DPP6: variants seen among roughly 807,000 people sequenced by gnomAD.
The protein encoded by DPP6 is dipeptidyl peptidase like 6.
Under a neutral mutation model 122.6 loss-of-function variants are expected in DPP6, and 69 were observed. The observed-to-expected ratio is 0.56, with a 90% confidence interval of 0.46 to 0.69. DPP6 has a LOEUF of 0.69. Among genes scored for constraint, DPP6 ranks in the 30% least tolerant of loss-of-function variants. The probability of loss-of-function intolerance (pLI) is 0.00; values close to 1 mark genes in which losing one functional copy is unlikely to be tolerated. For missense variants in DPP6, 928 were observed against 1,116.9 expected, an observed-to-expected ratio of 0.83 and a Z score of 2.41; for synonymous variants, 418 against 433.1, an observed-to-expected ratio of 0.97 and a Z score of 0.43.
intron 7 of DPP6, among the ~76,000 whole-genome samples, chr7:154,711,731 C>T (rs979098594): frequency 5.3e-5 from 8 of 152,078 alleles, no homozygotes; most frequent in African/African-American, 1.9e-4. Context: ...ACATGTTTCC[C>T]TTTTGGCCTT....
In DPP6 at chr7:153,899,193, TCTCCTCCTC is replaced by T. The variant is rs796084342; in HGVS notation, c.51+11471_51+11479del. Among the ~76,000 whole-genome samples the T allele has an allele frequency of 1.1e-3, 170 of 151,196 alleles. 1 individual carries two copies. The highest frequency in any genetic ancestry group is 3.9e-3 in the African/African-American group (161 of 41,172). On this transcript the variant is annotated intron_variant, in intron 1 of 25. Transcript: ENST00000404039. ...TCTTCCTTCTCCTCTTCCTCTTCCTTCTCCTCCTCCTCCTCCTCCTTCTCCTCCTCCTCC... is the reference window on the plus strand; with the variant it reads ...TCTTCCTTCTCCTCTTCCTCTTCCTTCTCCTCCTCCTTCTCCTCCTCCTCC...
intron 1 of DPP6, among the ~76,000 whole-genome samples, chr7:154,350,216 G>A (rs565189505): frequency 3.9e-5 from 6 of 152,298 alleles, no homozygotes; most frequent in Admixed American, 3.3e-4. Flanking sequence ...TGGGATTTTA[G>A]GAAGGGGAGA....
At position 154,618,106 on chromosome 7, in the gene DPP6, C is replaced by T. The variant is rs565777575; in HGVS notation, c.628-19715C>T. On this transcript the variant is annotated intron_variant, in intron 5 of 25. Transcript: ENST00000377770. The surrounding 1 kb of genome is among the most constrained non-coding windows in gnomAD (Gnocchi z 4.1). ...TTTGCACTGTTGCTGGTTGCATTCT[C>T]GCTCTTTCCCCCATAAGGCTATTAA... 9.2e-5 allele frequency among the ~76,000 whole-genome samples: 14 copies of T among 152,294 alleles called. No individual in the cohort carries two copies. The South Asian group carries it at 1.7e-3, about 18-fold the overall frequency.
chr7:154,431,095 G>A (rs1818324704), intron 1 of DPP6, among the ~76,000 whole-genome samples: 1 of 152,196 alleles, frequency 6.6e-6, no homozygotes, highest in Admixed American at 6.5e-5. Flanking sequence ...CTCAAGGGAA[G>A]TGTTGGTGAA....
Position 154,821,663 on chromosome 7 carries a change from T to TATATATACAC in DPP6, c.1666+14552_1666+14553insTATATACACA, listed in dbSNP as rs1799788619. On this transcript the variant is annotated intron_variant, in intron 16 of 25. Coordinates refer to ENST00000377770, the MANE Select transcript of DPP6 (RefSeq NM_130797.4). The surrounding 1 kb of genome is among the most constrained non-coding windows in gnomAD (Gnocchi z 4.2). ...ATATATATACACATATATATATATA[T>TATATATACAC]ACACATATATATATACACACACATA... Among the ~76,000 whole-genome samples the TATATATACAC allele has an allele frequency of 1.1e-4, 12 of 110,664 alleles. No homozygotes were observed. Among genetic ancestry groups the TATATATACAC allele is most frequent in the Admixed American group, 6.1e-4 (7 of 11,388 alleles). 72.6% of individuals were successfully genotyped at this position (110,664 alleles called of 152,430 possible).
intron 1 of DPP6, among the ~76,000 whole-genome samples, chr7:154,305,982 C>T (rs1045413567): frequency 2.6e-5 from 4 of 152,102 alleles, no homozygotes; most frequent in Non-Finnish European, 5.9e-5. Flanking sequence ...GTATTCTGAC[C>T]CTCCAACAGG....
chr7:154,163,249 C>T (rs1431117524), intron 1 of DPP6, among the ~76,000 whole-genome samples: 1 of 151,958 alleles, frequency 6.6e-6, no homozygotes, highest in African/African-American at 2.4e-5. Flanking sequence ...AGAATTTATG[C>T]GTTGCTAGTG....
At chr7:153,752,043 T>C in the DPP6 span, among the ~76,000 whole-genome samples, 4 of 152,184 alleles carry the variant, frequency 2.6e-5, no homozygotes, top group African/African-American at 9.7e-5. Context: ...TTAACCTCCA[T>C]GCCTAAGTTT....
At chr7:153,976,897 C>A (rs1796333265) in intron 1 of DPP6, among the ~76,000 whole-genome samples, 1 of 152,208 alleles carries the variant, frequency 6.6e-6, no homozygotes, top group South Asian at 2.1e-4. Flanking sequence ...TCATGCTCCA[C>A]CAGGAGAGCT....
intron 1 of DPP6, among the ~76,000 whole-genome samples, chr7:154,295,525 G>A (rs4278085): frequency 0.5 from 75,421 of 151,974 alleles, 20,095 homozygotes; most frequent in African/African-American, 0.71. Flanking sequence ...GGCTTTCTCT[G>A]CCCTCACTTA....
rs6960904 is a variant in DPP6, at chr7:154,505,707, C to A, written c.457+30670C>A. On this transcript the variant is annotated intron_variant, in intron 3 of 25. Transcript: ENST00000377770. The stretch of plus-strand genomic sequence containing the variant: ...GGAGGAAGACTACAGAAGTAAAATG[C>A]CTTTCTCATCACATATCTAAGGAAC... 8.3e-3 allele frequency among the ~76,000 whole-genome samples: 1,263 copies of A among 152,194 alleles called. 21 individuals are homozygous for A. The highest frequency in any genetic ancestry group is 0.028 in the African/African-American group (1,175 of 41,504).
intron 7 of DPP6, among the ~76,000 whole-genome samples, chr7:154,726,993 C>T (rs769590050): frequency 7.9e-5 from 12 of 152,226 alleles, no homozygotes; most frequent in Admixed American, 2.0e-4. Context: ...TTTCCCTCAT[C>T]TCTCTGTCTT....
At chr7:153,998,036 G>A (rs1275293019) in intron 1 of DPP6, among the ~76,000 whole-genome samples, 4 of 151,408 alleles carry the variant, frequency 2.6e-5, no homozygotes, top group Non-Finnish European at 5.9e-5. Flanking sequence ...GAAGGTGACA[G>A]TGTCTTGTCT....
the DPP6 span, among the ~76,000 whole-genome samples, chr7:153,825,441 T>G: frequency 6.6e-6 from 1 of 152,198 alleles, no homozygotes; most frequent in South Asian, 2.1e-4. Flanking sequence ...ATTATTCATA[T>G]AGAATTGGTA....
rs71803736 is a variant in DPP6, at chr7:154,755,148, T to TAAAAAAA, written c.884-14259_884-14253dup. On this transcript the variant is annotated intron_variant, in intron 8 of 25. Coordinates refer to ENST00000377770, the MANE Select transcript of DPP6 (RefSeq NM_130797.4). The surrounding 1 kb of genome is among the most constrained non-coding windows in gnomAD (Gnocchi z 4.7). The stretch of plus-strand genomic sequence containing the variant: ...TCCCAGAACTTAAAGTAAAATAAAT[T>TAAAAAAA]AAAAAAAAAAAAAAAAGAAACTGAA... Among the ~76,000 whole-genome samples, 1 of 131,582 alleles carries TAAAAAAA rather than the reference T, an allele frequency of 7.6e-6. No homozygotes were observed. The highest frequency in any genetic ancestry group is 1.6e-5 in the Non-Finnish European group (1 of 60,952). The allele number at this position is 131,582 out of a possible 152,430, so 86.3% of individuals were successfully genotyped here.
intron 1 of DPP6, among the ~76,000 whole-genome samples, chr7:154,338,484 G>T (rs1809626214): frequency 6.6e-6 from 1 of 152,160 alleles, no homozygotes; most frequent in South Asian, 2.1e-4. Context: ...GTACTTAACA[G>T]CATGCAAATG....
chr7:154,692,053 G>T (rs559547080), intron 7 of DPP6, among the ~76,000 whole-genome samples: 18 of 152,174 alleles, frequency 1.2e-4, no homozygotes, highest in African/African-American at 4.1e-4. Flanking sequence ...CATGAATAGG[G>T]CAAAAAGACC....
the DPP6 span, among the ~76,000 whole-genome samples, chr7:153,758,454 G>T: frequency 2.2e-4 from 33 of 151,752 alleles, no homozygotes; most frequent in East Asian, 5.6e-3. Context: ...CACGGTCAAG[G>T]CAATGAGCAT....
chr7:154,801,091 G>A (rs1313226600), intron 12 of DPP6, among the ~76,000 whole-genome samples: 3 of 152,132 alleles, frequency 2.0e-5, no homozygotes, highest in African/African-American at 7.2e-5. Flanking sequence ...TCTCGGTGCT[G>A]TGTAGACTGA....
Sources: gnomAD v4.1 joint callset for allele counts (sites outside exome capture counted in the v4.1 genomes callset) on GRCh38, gnomAD v4.1.1 for gene constraint, Gnocchi (gnomAD v3.1) non-coding constraint, MANE v1.5 for transcripts, NCBI Gene and HGNC (gene_info 2026-07-23, HGNC 2026-07-21) for gene names.